WDR41: variants seen among roughly 807,000 people sequenced by gnomAD.
WDR41 encodes WD repeat domain 41.
WDR41 carries 63 observed loss-of-function variants against 69.3 expected under a neutral mutation model. That is an observed-to-expected ratio of 0.91 (90% CI 0.74 to 1.12). WDR41 has a LOEUF of 1.12. Among genes scored for constraint, WDR41 ranks in the 50% most tolerant of loss-of-function variants. The pLI, the probability that WDR41 is intolerant of heterozygous loss-of-function variation, is 0.00. For missense variants in WDR41, 543 were observed against 534.5 expected, an observed-to-expected ratio of 1.02 and a Z score of -0.16; for synonymous variants, 185 against 192.1, an observed-to-expected ratio of 0.96 and a Z score of 0.31.
intron 1 of WDR41, among the ~76,000 whole-genome samples, chr5:77,609,357 G>C (rs1744493638): frequency 3.3e-5 from 5 of 152,158 alleles, no homozygotes; most frequent in Admixed American, 3.3e-4. Context: ...GCCTCCTCAA[G>C]TGGGTCCCCG....
At chr5:77,503,217 G>A (rs1480172084) in intron 1 of WDR41, among the ~76,000 whole-genome samples, 1 of 145,024 alleles carries the variant, frequency 6.9e-6, no homozygotes, top group East Asian at 2.1e-4. Context: ...AAAAGCAGGA[G>A]TTGCCATCCT....
At chr5:77,517,376 GAAAAAC>G (rs531425616) in intron 1 of WDR41, among the ~76,000 whole-genome samples, 4 of 151,728 alleles carry the variant, frequency 2.6e-5, no homozygotes, top group Non-Finnish European at 5.9e-5. Flanking sequence ...CTAGCTGATG[GAAAAAC>G]AAAAACAAAA....
In WDR41 at chr5:77,438,377, C is replaced by T. The variant is rs1799030603; in HGVS notation, c.883-16G>A. ...CAAATACATTCTAGGGGAAGAAGTTCAGAAATGGGCATAAAACTAGCACTC... is the reference window on the plus strand; with the variant it reads ...CAAATACATTCTAGGGGAAGAAGTTTAGAAATGGGCATAAAACTAGCACTC... On this transcript the variant is annotated splice_polypyrimidine_tract_variant and intron_variant, in intron 9 of 12. Transcript: ENST00000296679. 1.2e-6 allele frequency: 2 copies of T among 1,613,048 alleles called. No homozygotes were observed. The highest frequency in any genetic ancestry group is 2.2e-5 in the South Asian group (2 of 90,958).
At chr5:77,498,665 T>A (rs1801969732) in intron 1 of WDR41, among the ~76,000 whole-genome samples, 1 of 151,546 alleles carries the variant, frequency 6.6e-6, no homozygotes, top group African/African-American at 2.4e-5. Context: ...TAAAAAGTTT[T>A]AAAATTAACC....
At chr5:77,437,218 A>T in intron 11 of WDR41, 118 bp downstream of exon 11, 2 of 823,844 alleles carry the variant, frequency 2.4e-6, no homozygotes, top group Non-Finnish European at 2.0e-6. Context: ...TAAACATCTG[A>T]TGCCTATTTG....
At chr5:77,563,816 G>T (rs1350669) in intron 1 of WDR41, among the ~76,000 whole-genome samples, 10,436 of 152,028 alleles carry the variant, frequency 0.069, 483 homozygotes, top group Admixed American at 0.14. Context: ...TTAAAATATA[G>T]AATTCAAAAA....
At position 77,453,967 on chromosome 5, in the gene WDR41, T is replaced by C. The variant is rs763016383; in HGVS notation, c.412-39A>G. 4.7e-6 allele frequency: 7 copies of C among 1,494,544 alleles called. No individual in the cohort carries two copies. In the African/African-American group the frequency reaches 9.7e-5, roughly 21 times the overall value. 92.6% of individuals were successfully genotyped at this position (1,494,544 alleles called of 1,614,324 possible). On this transcript the variant is annotated intron_variant, in intron 5 of 12. Transcript: ENST00000296679. The stretch of plus-strand genomic sequence containing the variant: ...TTGAAATGTATATCAGGTTAGAAAC[T>C]TAAGCAGTCATTGTTCAGTGGTTTA...
chr5:77,470,513 T>G (rs1038530338), intron 2 of WDR41, among the ~76,000 whole-genome samples: 1 of 152,106 alleles, frequency 6.6e-6, no homozygotes, highest in African/African-American at 2.4e-5. Context: ...GACCCATCAG[T>G]GTGCTGTATT....
At chr5:77,481,784 CAAAAAAA>C (rs61463461) in intron 2 of WDR41, among the ~76,000 whole-genome samples, 5 of 87,384 alleles carry the variant, frequency 5.7e-5, no homozygotes, top group Non-Finnish European at 1.1e-4. Context: ...GACTCCGTCT[CAAAAAAA>C]AAAAAAAAAA....
rs528783627 is a variant in WDR41 at position 77,586,804 on chromosome 5, C to T, written c.42+33675G>A. Among the ~76,000 whole-genome samples the T allele has an allele frequency of 2.5e-3, 371 of 150,646 alleles. 1 individual carries two copies. Among genetic ancestry groups the T allele is most frequent in the African/African-American group, 8.6e-3 (352 of 40,956 alleles). On this transcript the variant is annotated intron_variant, in intron 1 of 5. Transcript: ENST00000509971. ...TAGGATCTTGGCTCACTGCAACCTC[C>T]GCCTCCCGGGTTCAAGCGATTCTCC...
chr5:77,532,988 C>T (rs1742885174), intron 1 of WDR41, among the ~76,000 whole-genome samples: 1 of 151,676 alleles, frequency 6.6e-6, no homozygotes. Context: ...ATGTTATGTA[C>T]TTCCTTGCAT....
chr5:77,611,993 A>G (rs1255967690), intron 1 of WDR41, among the ~76,000 whole-genome samples: 1 of 152,206 alleles, frequency 6.6e-6, no homozygotes, highest in Non-Finnish European at 1.5e-5. Context: ...ACAAACTACC[A>G]TCAGAGAATA....
At chr5:77,556,095 CTTTTTTTTTT>C (rs34372647) in intron 1 of WDR41, among the ~76,000 whole-genome samples, 2 of 57,690 alleles carry the variant, frequency 3.5e-5, no homozygotes, top group African/African-American at 7.2e-5. Context: ...AAAAGATGGA[CTTTTTTTTTT>C]TTTTTTTTTT....
At chr5:77,448,183 G>A (rs1799463915) in intron 8 of WDR41, among the ~76,000 whole-genome samples, 1 of 152,084 alleles carries the variant, frequency 6.6e-6, no homozygotes, top group South Asian at 2.1e-4. Context: ...CCGGTGTAAT[G>A]GGCCGAATAC....
At chr5:77,470,363 G>A (rs1356297873) in intron 2 of WDR41, among the ~76,000 whole-genome samples, 3 of 152,120 alleles carry the variant, frequency 2.0e-5, no homozygotes, top group African/African-American at 4.8e-5. Flanking sequence ...GGAAGAAACT[G>A]CATCAACTAA....
Position 77,474,877 on chromosome 5 carries a change from G to C in WDR41, c.168-10068C>G, listed in dbSNP as rs531309383. Among the ~76,000 whole-genome samples the C allele has an allele frequency of 3.3e-3, 500 of 152,302 alleles. 6 individuals are homozygous for C. The highest frequency in any genetic ancestry group is 1.6e-3 in the Non-Finnish European group (109 of 68,028). On this transcript the variant is annotated intron_variant, in intron 2 of 12. Transcript: ENST00000296679. ...CCAGCGTGAGCGACGCAGAAGACGG[G>C]TGATTTCTGCATTTCCATCTGAGGT...
At chr5:77,593,197 C>A (rs1009428834) in intron 1 of WDR41, among the ~76,000 whole-genome samples, 1 of 152,010 alleles carries the variant, frequency 6.6e-6, no homozygotes, top group Non-Finnish European at 1.5e-5. Flanking sequence ...CCAGATTACA[C>A]AATACAAAGT....
intron 2 of WDR41, among the ~76,000 whole-genome samples, chr5:77,468,745 G>A (rs561338684): frequency 2.6e-5 from 4 of 152,108 alleles, no homozygotes; most frequent in African/African-American, 9.7e-5. Flanking sequence ...GGCAGTACAG[G>A]CACCCCAGTG....
At chr5:77,575,340 G>T (rs1743811491) in intron 1 of WDR41, among the ~76,000 whole-genome samples, 2 of 152,206 alleles carry the variant, frequency 1.3e-5, no homozygotes, top group Non-Finnish European at 2.9e-5. Context: ...CAGTATATTT[G>T]AATGTAGATG....
Sources: allele counts gnomAD v4.1 joint callset (sites outside exome capture counted in the v4.1 genomes callset), GRCh38; gene constraint gnomAD v4.1.1; transcripts MANE v1.5; gene names NCBI Gene and HGNC (gene_info 2026-07-23, HGNC 2026-07-21).